TENM4: variants seen among roughly 807,000 people sequenced by gnomAD.
TENM4 encodes the protein teneurin transmembrane protein 4.
TENM4 carries 82 observed loss-of-function variants against 243.3 expected under a neutral mutation model. That is an observed-to-expected ratio of 0.34 (90% CI 0.28 to 0.40). TENM4 has a LOEUF of 0.40. Ranked by LOEUF, TENM4 falls within the 10% of genes least tolerant of loss-of-function variation. The pLI is 1.00. For synonymous variants in TENM4, 1,412 were observed against 1,456.3 expected (o/e 0.97, Z 0.69); for missense variants, 3,138 against 3,673.3 (o/e 0.85, Z 3.77).
chr11:79,036,088 C>T (rs76958873), intron 6 of TENM4, among the ~76,000 whole-genome samples: 2,011 of 152,256 alleles, frequency 0.013, 45 homozygotes, highest in African/African-American at 0.047. Flanking sequence ...CATCGCTGCT[C>T]GACTTCAGGA....
rs11237665 is a variant in TENM4 at position 78,962,892 on chromosome 11, G to A, written c.494-59369C>T. On this transcript the variant is annotated intron_variant, in intron 6 of 33. Coordinates refer to ENST00000278550, the MANE Select transcript of TENM4 (RefSeq NM_001098816.3). ...AGAGAGCTGGAGAGAATGATTCAAG[G>A]CTTCACCTTTGGCAGTCTAGGATTT... Among the ~76,000 whole-genome samples the A allele has an allele frequency of 0.014, 2,067 of 152,312 alleles. 130 individuals are homozygous for A. The East Asian group carries it at 0.18, about 13-fold the overall frequency.
chr11:78,952,375 G>C (rs1002875247), intron 6 of TENM4, among the ~76,000 whole-genome samples: 1 of 152,226 alleles, frequency 6.6e-6, no homozygotes, highest in Non-Finnish European at 1.5e-5. Flanking sequence ...CCCTGCTAAG[G>C]ATCAGGACCC....
At chr11:78,984,432 G>A (rs748136322) in intron 6 of TENM4, among the ~76,000 whole-genome samples, 46 of 152,094 alleles carry the variant, frequency 3.0e-4, no homozygotes, top group African/African-American at 9.4e-4. Flanking sequence ...GATTGCATTC[G>A]CCATTTGGGA....
At chr11:78,990,243 TCAGA>T (rs930294713) in intron 6 of TENM4, among the ~76,000 whole-genome samples, 9 of 152,142 alleles carry the variant, frequency 5.9e-5, no homozygotes, top group Admixed American at 4.6e-4. Flanking sequence ...TCAAGGTTAC[TCAGA>T]CAGAGTGGCT....
chr11:79,319,709 C>G (rs1222319199), intron 1 of TENM4, among the ~76,000 whole-genome samples: 2 of 151,842 alleles, frequency 1.3e-5, no homozygotes, highest in Non-Finnish European at 2.9e-5. Context: ...AAACTAGATA[C>G]CTAACGTGAG....
intron 6 of TENM4, among the ~76,000 whole-genome samples, chr11:79,031,460 G>A (rs1175543594): frequency 6.6e-6 from 1 of 152,158 alleles, no homozygotes. Flanking sequence ...ATAGGCACCA[G>A]GAAGCCAGAA....
rs749549926 is a variant in TENM4, at chr11:78,976,405, TAA to T, written c.494-72884_494-72883del. 1.9e-4 allele frequency among the ~76,000 whole-genome samples: 29 copies of T among 151,996 alleles called. No individual in the cohort carries two copies. In the East Asian group the frequency reaches 5.2e-3, roughly 27 times the overall value. The stretch of plus-strand genomic sequence containing the variant: ...TTTCTGAATATCTGTTATATTTCAA[TAA>T]AAAGTTTAAAAAAAAAACCAGAAAG... On this transcript the variant is annotated intron_variant, in intron 6 of 33. Transcript: ENST00000278550.
intron 2 of TENM4, among the ~76,000 whole-genome samples, chr11:79,293,783 A>G (rs1015951507): frequency 1.3e-5 from 2 of 152,020 alleles, no homozygotes; most frequent in Non-Finnish European, 1.5e-5. Flanking sequence ...CCCGGTTTGG[A>G]CCCCGTTCTG....
rs369275504 is a variant in TENM4 at position 79,142,892 on chromosome 11, C to G, written c.-66+5818G>C. 1.6e-3 allele frequency among the ~76,000 whole-genome samples: 239 copies of G among 152,160 alleles called. 9 individuals carry two copies. The South Asian group carries it at 0.047, about 30-fold the overall frequency. ...GAACACACACTGGGGAAAGGACACT[C>G]TCTTCAGTAAATGGTGCTGGGACAT... On this transcript the variant is annotated intron_variant, in intron 4 of 33. Transcript: ENST00000278550.
At chr11:79,392,340 G>A (rs1231303302) in intron 1 of TENM4, among the ~76,000 whole-genome samples, 1 of 152,224 alleles carries the variant, frequency 6.6e-6, no homozygotes, top group Non-Finnish European at 1.5e-5. Context: ...AAGGGAAATG[G>A]AACAGTTACT....
At chr11:78,812,011 G>A in intron 14 of TENM4, 111 bp downstream of exon 14, 1 of 1,347,518 alleles carries the variant, frequency 7.4e-7, no homozygotes, top group East Asian at 2.5e-5. Context: ...GGGGAGGTGG[G>A]GTCACAAAAT....
chr11:78,722,285 G>A (rs1855403460), intron 24 of TENM4, among the ~76,000 whole-genome samples: 1 of 152,180 alleles, frequency 6.6e-6, no homozygotes, highest in African/African-American at 2.4e-5. Context: ...AAGGTGCTAG[G>A]ATTACAGGTA....
chr11:79,386,031 G>C (rs893772259), intron 1 of TENM4, among the ~76,000 whole-genome samples: 3 of 152,106 alleles, frequency 2.0e-5, no homozygotes, highest in Non-Finnish European at 2.9e-5. Context: ...TTCTATTATA[G>C]AATAATGAAA....
chr11:79,022,640 A>C (rs530513341), intron 6 of TENM4, among the ~76,000 whole-genome samples: 1 of 152,356 alleles, frequency 6.6e-6, no homozygotes, highest in African/African-American at 2.4e-5. Flanking sequence ...TTTAAAAGAC[A>C]CACACGATAG....
Position 79,069,891 on chromosome 11 carries a change from G to C in TENM4, c.54C>G (p.Ala18=). ...PYRSLTRRRD[A]ERRYTSSSAD... is the part of the protein sequence containing the mutation. Reference sequence around the variant, plus strand: ...CGGACGAGCTGGTGTAGCGGCGCTCGGCGTCGCGGCGCCGGGTCAGCGAGC... The same window carrying C: ...CGGACGAGCTGGTGTAGCGGCGCTCCGCGTCGCGGCGCCGGGTCAGCGAGC... The change falls in exon 5 of 34, where the codon GCC becomes GCG. Residue 18 remains alanine, a synonymous_variant. Transcript: ENST00000278550. 1.3e-6 allele frequency: 2 copies of C among 1,548,472 alleles called. No individual in the cohort carries two copies. Among genetic ancestry groups the C allele is most frequent in the Non-Finnish European group, 1.7e-6 (2 of 1,146,738 alleles).
intron 15 of TENM4, among the ~76,000 whole-genome samples, chr11:78,787,331 GC>G (rs1565379044): frequency 6.6e-6 from 1 of 152,190 alleles, no homozygotes; most frequent in Non-Finnish European, 1.5e-5. Flanking sequence ...CCTGCCCTGT[GC>G]CTGTTTCCCC....
chr11:79,224,300 CT>C (rs1864218972), intron 2 of TENM4, among the ~76,000 whole-genome samples: 1 of 152,210 alleles, frequency 6.6e-6, no homozygotes, highest in African/African-American at 2.4e-5. Flanking sequence ...GGCTGGGCAC[CT>C]TAACAACGCC....
chr11:78,825,532 C>G (rs960849459), intron 12 of TENM4, among the ~76,000 whole-genome samples: 1 of 151,958 alleles, frequency 6.6e-6, no homozygotes, highest in African/African-American at 2.4e-5. Context: ...GAGAACCGCT[C>G]GTCTGGAAGA....
intron 6 of TENM4, among the ~76,000 whole-genome samples, chr11:79,008,665 T>C (rs888838277): frequency 6.6e-6 from 1 of 152,212 alleles, no homozygotes; most frequent in Non-Finnish European, 1.5e-5. Flanking sequence ...CTGTGGGATA[T>C]GGAGCTGGTT....
Sources: gnomAD v4.1 joint callset for allele counts (sites outside exome capture counted in the v4.1 genomes callset) on GRCh38, gnomAD v4.1.1 for gene constraint, MANE v1.5 for transcripts, NCBI Gene and HGNC (gene_info 2026-07-23, HGNC 2026-07-21) for gene names.